DNAAF5: variants seen among roughly 807,000 people sequenced by gnomAD.
The protein encoded by DNAAF5 is HEAT repeat containing 2.
In DNAAF5, 64 loss-of-function variants were observed where a neutral mutation model predicts 75.8. The observed-to-expected ratio is 0.84, with a 90% CI of 0.69 to 1.04. The LOEUF (loss-of-function observed/expected upper bound fraction) is 1.04. Ranked by LOEUF, DNAAF5 falls within the 50% of genes least tolerant of loss-of-function variation. DNAAF5 has a pLI of 0.00. For missense variants in DNAAF5, 1,269 were observed against 1,178.5 expected, an observed-to-expected ratio of 1.08 and a Z score of -1.12; for synonymous variants, 657 against 557.2, an observed-to-expected ratio of 1.18 and a Z score of -2.52.
intron 6 of DNAAF5, among the ~76,000 whole-genome samples, chr7:758,568 A>C (rs999709395): frequency 2.0e-5 from 3 of 151,730 alleles, no homozygotes; most frequent in African/African-American, 7.3e-5. Context: ...CGTACATTTC[A>C]CTCCTTTCTT....
rs201554395 is a variant in DNAAF5 at position 741,476 on chromosome 7, G to A, written c.1024+11G>A. Reference sequence around the variant, plus strand: ...ATTACCCTCCACATGGTGAGTGACCGCGGCAGAGGGGAGCGCCAGGAGGCG... The same window carrying A: ...ATTACCCTCCACATGGTGAGTGACCACGGCAGAGGGGAGCGCCAGGAGGCG... On this transcript the variant is annotated intron_variant, in intron 4 of 12. Transcript: ENST00000297440. The A allele has an allele frequency of 5.6e-5, 69 of 1,226,662 alleles. No homozygotes were observed. Among genetic ancestry groups the A allele is most frequent in the East Asian group, 2.9e-4 (6 of 20,960 alleles). 76.0% of individuals were successfully genotyped at this position (1,226,662 alleles called of 1,614,324 possible). A position where few individuals can be genotyped will look rare whatever the true frequency, so the allele number is the denominator to read the frequency against.
At chr7:776,935 C>T (rs771654339) in intron 11 of DNAAF5, among the ~76,000 whole-genome samples, 10 of 152,154 alleles carry the variant, frequency 6.6e-5, no homozygotes, top group Non-Finnish European at 1.2e-4. Flanking sequence ...CCTGTCAGAT[C>T]GGCAACGGCA....
chr7:771,219 C>G (rs933111995), intron 9 of DNAAF5: 1 of 152,258 alleles, frequency 6.6e-6, no homozygotes, highest in African/African-American at 2.4e-5. Flanking sequence ...ATTAAGACCC[C>G]GAGGGTCTAG....
intron 12 of DNAAF5, among the ~76,000 whole-genome samples, chr7:781,661 C>A (rs1583526395): frequency 6.7e-6 from 1 of 149,462 alleles, no homozygotes; most frequent in South Asian, 2.1e-4. Context: ...TCCACATCCG[C>A]GCCGGGACTT....
chr7:741,035 C>T, intron 3 of DNAAF5, 92 bp downstream of exon 3: 1 of 1,480,388 alleles, frequency 6.8e-7, no homozygotes. Flanking sequence ...TCACAGAAAC[C>T]TGCTGGTGTC....
intron 2 of DNAAF5, among the ~76,000 whole-genome samples, chr7:737,961 G>A (rs1242790294): frequency 6.6e-6 from 1 of 152,068 alleles, no homozygotes; most frequent in Non-Finnish European, 1.5e-5. Context: ...TCTTTTTCTA[G>A]GTTTGGAAAA....
In DNAAF5 at chr7:727,197, G is replaced by C. The variant is rs78581255; in HGVS notation, c.477G>C (p.Ala159=). The C allele has an allele frequency of 7.4e-7, 1 of 1,346,210 alleles. No homozygotes were observed. The highest frequency in any genetic ancestry group is 3.4e-5 in the East Asian group (1 of 29,644). The allele number at this position is 1,346,210 out of a possible 1,614,324, so 83.4% of individuals were successfully genotyped here. A position where few individuals can be genotyped will look rare whatever the true frequency, so the allele number is the denominator to read the frequency against. The part of the protein sequence containing the change: ...LGLAVDLCGA[A]LAPHLDDALR... ...TGGCCGTGGACCTGTGCGGCGCCGCGCTCGCGCCCCACCTGGACGACGCTC... is the reference window on the plus strand; with the variant it reads ...TGGCCGTGGACCTGTGCGGCGCCGCCCTCGCGCCCCACCTGGACGACGCTC... The change falls in exon 1 of 13, where the codon GCG becomes GCC. Residue 159 remains alanine (A), a synonymous_variant. Coordinates refer to ENST00000297440, the MANE Select transcript of DNAAF5 (RefSeq NM_017802.4).
intron 2 of DNAAF5, among the ~76,000 whole-genome samples, 156 bp downstream of exon 2, chr7:730,003 T>C (rs1781516187): frequency 6.6e-6 from 1 of 152,202 alleles, no homozygotes; most frequent in African/African-American, 2.4e-5. Flanking sequence ...TGTTCACATC[T>C]TGGAAAAACT....
chr7:783,887 C>T (rs1164812978), intron 12 of DNAAF5, among the ~76,000 whole-genome samples: 1 of 152,202 alleles, frequency 6.6e-6, no homozygotes, highest in Non-Finnish European at 1.5e-5. Context: ...CCCCTGTGCA[C>T]CAGCTCAGCC....
intron 2 of DNAAF5, among the ~76,000 whole-genome samples, chr7:737,324 G>A (rs1474798571): frequency 6.6e-6 from 1 of 152,130 alleles, no homozygotes; most frequent in Non-Finnish European, 1.5e-5. Flanking sequence ...TTGAACTCCT[G>A]AGCTCAGGTG....
chr7:781,393 G>GCTCCACGTTTTCCTTCTCC (rs1778935087), intron 12 of DNAAF5, among the ~76,000 whole-genome samples: 1 of 152,160 alleles, frequency 6.6e-6, no homozygotes, highest in African/African-American at 2.4e-5. Flanking sequence ...CACTGCGTGC[G>GCTCCACGTTTTCCTTCTCC]CTCCACGTTT....
intron 1 of DNAAF5, among the ~76,000 whole-genome samples, chr7:728,362 TG>T (rs969647164): frequency 3.5e-4 from 53 of 152,316 alleles, no homozygotes; most frequent in African/African-American, 1.2e-3. Flanking sequence ...AGTGATGGTC[TG>T]AATGTAGTGG....
Position 775,306 on chromosome 7 carries a change from C to T in DNAAF5, c.2239+144C>T, listed in dbSNP as rs75212015. 0.02 allele frequency: 14,808 copies of T among 754,744 alleles called. 437 individuals carry two copies. The highest frequency in any genetic ancestry group is 0.12 in the East Asian group (4,430 of 36,952). The allele number at this position is 754,744 out of a possible 1,614,324, so 46.8% of individuals were successfully genotyped here. ...TGGTGGTTCACACCTTTAATTCCAG[C>T]ACTTTAGGCAGGAGGGTTGCTTGAG... On this transcript the variant is annotated intron_variant, in intron 11 of 12. Transcript: ENST00000297440.
At chr7:740,790 G>T (rs748176563) in intron 2 of DNAAF5, 29 bp from the exon 3 acceptor site, 3 of 1,611,936 alleles carry the variant, frequency 1.9e-6, no homozygotes, top group African/African-American at 1.3e-5. Context: ...TTGCCTACAC[G>T]AATCCTTATC....
At chr7:780,326 C>G (rs1258254326) in intron 12 of DNAAF5, among the ~76,000 whole-genome samples, 182 bp downstream of exon 12, 1 of 152,256 alleles carries the variant, frequency 6.6e-6, no homozygotes, top group Non-Finnish European at 1.5e-5. Context: ...GTGGTGATAG[C>G]TGCTGACATT....
At chr7:766,492 C>A (rs1404449719) in intron 8 of DNAAF5, among the ~76,000 whole-genome samples, 1 of 152,096 alleles carries the variant, frequency 6.6e-6, no homozygotes, top group Non-Finnish European at 1.5e-5. Flanking sequence ...GATGGGGGAT[C>A]TACAAAGACA....
intron 12 of DNAAF5, among the ~76,000 whole-genome samples, chr7:784,275 G>A (rs937293143): frequency 2.0e-5 from 3 of 152,146 alleles, no homozygotes; most frequent in African/African-American, 4.8e-5. Flanking sequence ...TGTCTGCACC[G>A]CTCCCTCAGA....
intron 6 of DNAAF5, among the ~76,000 whole-genome samples, chr7:757,627 T>G (rs1179593100): frequency 1.3e-5 from 2 of 152,266 alleles, no homozygotes; most frequent in East Asian, 3.8e-4. Flanking sequence ...TGGAACAGCC[T>G]GGGTAGTTGG....
intron 4 of DNAAF5, among the ~76,000 whole-genome samples, chr7:752,331 A>G (rs1251895732): frequency 6.6e-6 from 1 of 151,684 alleles, no homozygotes; most frequent in African/African-American, 2.4e-5. Flanking sequence ...ACTTCGTGGG[A>G]TACGTCCTCA....
Sources: gnomAD v4.1 joint callset for allele counts (sites outside exome capture counted in the v4.1 genomes callset) on GRCh38, gnomAD v4.1.1 for gene constraint, MANE v1.5 for transcripts, NCBI Gene and HGNC (gene_info 2026-07-23, HGNC 2026-07-21) for gene names.